The following KIF26B variants were observed in gnomAD, a reference collection of about 807,000 sequenced individuals.
KIF26B encodes the protein kinesin-like protein KIF26B.
Under a neutral mutation model 151.2 loss-of-function variants are expected in KIF26B, and 63 were observed. That is an observed-to-expected ratio of 0.42 (90% CI 0.34 to 0.51). KIF26B has a LOEUF of 0.51. Among genes scored for constraint, KIF26B ranks in the 20% least tolerant of loss-of-function variants. The probability of loss-of-function intolerance (pLI) is 0.07; values close to 1 mark genes in which losing one functional copy is unlikely to be tolerated. For missense variants in KIF26B, 2,813 were observed against 2,913.6 expected (o/e 0.97, Z 0.79); for synonymous variants, 1,357 against 1,262.1 (o/e 1.08, Z -1.59).
chr1:245,247,510 A>T (rs1670359656), intron 2 of KIF26B, among the ~76,000 whole-genome samples: 1 of 152,170 alleles, frequency 6.6e-6, no homozygotes, highest in African/African-American at 2.4e-5. Context: ...AAATTGGTGA[A>T]TGTTTGAGGC....
At chr1:245,546,616 G>A (rs1358651790) in intron 5 of KIF26B, among the ~76,000 whole-genome samples, 1 of 152,198 alleles carries the variant, frequency 6.6e-6, no homozygotes, top group Non-Finnish European at 1.5e-5. Context: ...CAAATGTGAT[G>A]GACAATTCTG....
intron 3 of KIF26B, among the ~76,000 whole-genome samples, chr1:245,395,890 G>A (rs1428763054): frequency 6.6e-6 from 1 of 152,148 alleles, no homozygotes; most frequent in Non-Finnish European, 1.5e-5. Context: ...TGTGACCTTT[G>A]GCAAACCTCT....
intron 5 of KIF26B, among the ~76,000 whole-genome samples, chr1:245,562,217 A>G (rs1004636263): frequency 6.6e-6 from 1 of 152,144 alleles, no homozygotes; most frequent in Non-Finnish European, 1.5e-5. Flanking sequence ...AGGGAAGGTC[A>G]CAAATTAAAC....
At chr1:245,586,715 C>G (rs2043229003) in intron 5 of KIF26B, among the ~76,000 whole-genome samples, 2 of 150,960 alleles carry the variant, frequency 1.3e-5, no homozygotes, top group Admixed American at 6.6e-5. Context: ...AACCCCGTCT[C>G]TACTAAAAAA....
chr1:245,217,076 TC>T (rs770428809), intron 2 of KIF26B, among the ~76,000 whole-genome samples: 11 of 152,250 alleles, frequency 7.2e-5, no homozygotes, highest in Admixed American at 1.3e-4. Context: ...GCAGGGAGGT[TC>T]CCCATTACTG....
intron 3 of KIF26B, among the ~76,000 whole-genome samples, chr1:245,409,757 G>T (rs111520128): frequency 0.021 from 3,190 of 152,280 alleles, 127 homozygotes; most frequent in African/African-American, 0.073. Context: ...GAGTTTATCT[G>T]TCTGACTCAA....
chr1:245,594,549 C>G (rs1374018304), intron 5 of KIF26B, among the ~76,000 whole-genome samples: 1 of 152,124 alleles, frequency 6.6e-6, no homozygotes, highest in Admixed American at 6.5e-5. Context: ...GTACCAGTAC[C>G]ATGCTGTTTT....
chr1:245,204,162 G>T (rs1021564633), intron 2 of KIF26B, among the ~76,000 whole-genome samples: 12 of 152,282 alleles, frequency 7.9e-5, no homozygotes, highest in African/African-American at 2.9e-4. Context: ...ACTGGCTAGG[G>T]ACATGGAGAG....
In KIF26B at chr1:245,698,205, C is replaced by G. The variant is rs771474272; in HGVS notation, c.5924C>G (p.Pro1975Arg). The G allele has an allele frequency of 1.9e-6, 3 of 1,613,900 alleles. No homozygotes were observed. Residue 1975 changes from proline to arginine, a missense_variant, in exon 13 of 15, where the codon CCC becomes CGC. Physicochemically the swap from Pro to Arg is moderately radical, Grantham distance 103. This residue lies in a region of KIF26B where 2,060 missense variants were observed against 2,088.6 expected (regional missense o/e 0.99). Transcript: ENST00000407071. The surrounding 1 kb of genome is among the most constrained non-coding windows in gnomAD (Gnocchi z 4.0). ...NSTGVRWVDG[P>R]LRSSPRGLGE... is the part of the protein sequence containing the mutation. ...ACAGGCGTCCGCTGGGTGGATGGCC[C>G]CTTGCGGAGCAGCCCGAGGGGCCTT...
Position 245,155,128 on chromosome 1 carries a change from C to A in KIF26B, c.-297C>A. On this transcript the variant is annotated 5_prime_UTR_variant, in exon 1 of 15. Coordinates refer to ENST00000407071, the MANE Select transcript of KIF26B (RefSeq NM_018012.4). ...CGGACTGACTTGGCTGAAGAAAATG[C>A]CAGTTCTGTGGATGTGGCCGTGACA... 1 of 531,178 alleles carries A rather than the reference C, an allele frequency of 1.9e-6. No homozygotes were observed. Among genetic ancestry groups the A allele is most frequent in the Non-Finnish European group, 3.3e-6 (1 of 307,626 alleles). 32.9% of individuals were successfully genotyped at this position (531,178 alleles called of 1,614,324 possible).
chr1:245,303,229 C>T (rs567149675), intron 2 of KIF26B, among the ~76,000 whole-genome samples: 4 of 133,382 alleles, frequency 3.0e-5, no homozygotes, highest in Non-Finnish European at 6.2e-5. Context: ...GACGGAGTCT[C>T]GCTTTGTCGC....
chr1:245,652,883 C>T (rs939415803), intron 10 of KIF26B, among the ~76,000 whole-genome samples: 1 of 152,094 alleles, frequency 6.6e-6, no homozygotes, highest in Non-Finnish European at 1.5e-5. Flanking sequence ...GCCGTTGTGG[C>T]GTAATGGCAC....
At chr1:245,238,112 C>G (rs2103558620) in intron 2 of KIF26B, among the ~76,000 whole-genome samples, 1 of 152,120 alleles carries the variant, frequency 6.6e-6, no homozygotes, top group South Asian at 2.1e-4. Context: ...GCAGGCAGAT[C>G]ACCTGAGGTC....
intron 2 of KIF26B, among the ~76,000 whole-genome samples, chr1:245,263,510 AC>A (rs1300053532): frequency 6.6e-6 from 1 of 152,258 alleles, no homozygotes; most frequent in Admixed American, 6.5e-5. Context: ...ATACGCAGAT[AC>A]ATCTCACAAA....
In KIF26B at chr1:245,167,750, CCCCAT is replaced by C. The variant is rs1196865881; in HGVS notation, c.465+11068_465+11072del. On this transcript the variant is annotated intron_variant, in intron 2 of 14. Transcript: ENST00000407071. This position sits in a 1 kb window ranked among gnomAD's most constrained non-coding sequence, Gnocchi z 4.2. Reference sequence around the variant, plus strand: ...TCCTAAGCAGGTGGCAGAGTGTCTTCCCCATGGTACCATGGCTGGGAATTAGAGCA... The same window carrying C: ...TCCTAAGCAGGTGGCAGAGTGTCTTCGGTACCATGGCTGGGAATTAGAGCA... 6.6e-6 allele frequency among the ~76,000 whole-genome samples: 1 copy of C among 152,054 alleles called. No homozygotes were observed. Among genetic ancestry groups the C allele is most frequent in the Non-Finnish European group, 1.5e-5 (1 of 68,008 alleles).
intron 2 of KIF26B, among the ~76,000 whole-genome samples, chr1:245,332,759 G>A (rs142693602): frequency 1.2e-3 from 177 of 152,308 alleles, no homozygotes; most frequent in African/African-American, 3.9e-3. Flanking sequence ...CCTGGCTTCC[G>A]TTCATGGCTC....
intron 2 of KIF26B, among the ~76,000 whole-genome samples, chr1:245,194,157 G>A (rs899023495): frequency 6.6e-6 from 1 of 152,124 alleles, no homozygotes; most frequent in African/African-American, 2.4e-5. Flanking sequence ...CCATTATCTC[G>A]TCTTTGAACC....
chr1:245,545,290 C>G (rs12041701), intron 5 of KIF26B, among the ~76,000 whole-genome samples: 2 of 152,008 alleles, frequency 1.3e-5, no homozygotes, highest in African/African-American at 2.4e-5. Flanking sequence ...TTAGTAGAGA[C>G]GGGGTTTCTC....
At chr1:245,290,309 G>T (rs1671235146) in intron 2 of KIF26B, among the ~76,000 whole-genome samples, 1 of 152,204 alleles carries the variant, frequency 6.6e-6, no homozygotes, top group South Asian at 2.1e-4. Context: ...CCATGAGAGG[G>T]TTCTTGGATC....
Sources: allele counts gnomAD v4.1 joint callset (sites outside exome capture counted in the v4.1 genomes callset), GRCh38; gene constraint gnomAD v4.1.1; regional missense constraint gnomAD v4.1.1; non-coding constraint Gnocchi (gnomAD v3.1); transcripts MANE v1.5; gene names NCBI Gene and HGNC (gene_info 2026-07-23, HGNC 2026-07-21).